The following CCDC178 variants were observed in gnomAD, a reference collection of about 807,000 sequenced individuals.
CCDC178 encodes coiled-coil domain containing 178.
Under a neutral mutation model 117.4 loss-of-function variants are expected in CCDC178, and 126 were observed. The ratio of observed to expected loss-of-function variants is 1.07; its 90% CI spans 0.93 to 1.24. CCDC178 has a LOEUF of 1.24. Among genes scored for constraint, CCDC178 ranks in the 50% most tolerant of loss-of-function variants. The pLI is 0.00. For missense variants in CCDC178, 1,030 were observed against 986.9 expected (o/e 1.04, Z -0.59); for synonymous variants, 283 against 313.4 (o/e 0.90, Z 1.02).
intron 21 of CCDC178, among the ~76,000 whole-genome samples, chr18:33,082,115 G>A (rs2057306744): frequency 6.6e-6 from 1 of 152,124 alleles, no homozygotes; most frequent in Non-Finnish European, 1.5e-5. Flanking sequence ...ATTAGTTGAG[G>A]AACCTCCCAA....
chr18:33,189,535 A>G (rs370409310), intron 20 of CCDC178, among the ~76,000 whole-genome samples: 2 of 152,336 alleles, frequency 1.3e-5, no homozygotes, highest in East Asian at 1.9e-4. Context: ...TGGTATTTAC[A>G]TTACAGGATA....
At chr18:32,940,823 T>A (rs140238620) in intron 22 of CCDC178, among the ~76,000 whole-genome samples, 3 of 152,232 alleles carry the variant, frequency 2.0e-5, no homozygotes, top group African/African-American at 7.2e-5. Context: ...AAAACATTGA[T>A]CAGAACAAAA....
At chr18:33,040,238 T>C (rs1481839186) in intron 21 of CCDC178, among the ~76,000 whole-genome samples, 1 of 151,734 alleles carries the variant, frequency 6.6e-6, no homozygotes, top group Admixed American at 6.6e-5. Flanking sequence ...AGAAATAAAA[T>C]ACCAACTTAC....
intron 15 of CCDC178, among the ~76,000 whole-genome samples, chr18:33,234,068 T>C (rs752080700): frequency 2.0e-5 from 3 of 152,144 alleles, no homozygotes; most frequent in African/African-American, 2.4e-5. Context: ...TAAAGTTTTA[T>C]TATATTCTCA....
chr18:33,116,407 T>G (rs1171960949), intron 20 of CCDC178, among the ~76,000 whole-genome samples: 1 of 152,198 alleles, frequency 6.6e-6, no homozygotes, highest in East Asian at 1.9e-4. Flanking sequence ...CTTGCATTGC[T>G]GCATAACAAA....
intron 14 of CCDC178, among the ~76,000 whole-genome samples, chr18:33,251,279 C>T (rs1248717596): frequency 6.6e-6 from 1 of 151,580 alleles, no homozygotes; most frequent in African/African-American, 2.4e-5. Flanking sequence ...TATTGTGTAC[C>T]AGTAAGCTGG....
At chr18:33,374,011 A>G (rs2063333172) in intron 5 of CCDC178, among the ~76,000 whole-genome samples, 1 of 152,200 alleles carries the variant, frequency 6.6e-6, no homozygotes, top group Non-Finnish European at 1.5e-5. Context: ...GAGAAAAGGG[A>G]AATTGATAAG....
At chr18:33,350,981 A>G (rs1270027017) in intron 7 of CCDC178, among the ~76,000 whole-genome samples, 2 of 152,140 alleles carry the variant, frequency 1.3e-5, no homozygotes, top group Non-Finnish European at 2.9e-5. Context: ...AGTCTTCACC[A>G]TCAGGTATAA....
At chr18:33,051,833 C>T (rs74566047) in intron 21 of CCDC178, among the ~76,000 whole-genome samples, 14,044 of 152,090 alleles carry the variant, frequency 0.092, 905 homozygotes, top group African/African-American at 0.18. Flanking sequence ...TGGTGAGGCA[C>T]GAGCATTTTT....
At chr18:33,278,372 T>A (rs1326868519) in intron 12 of CCDC178, among the ~76,000 whole-genome samples, 1 of 150,486 alleles carries the variant, frequency 6.6e-6, no homozygotes, top group East Asian at 1.9e-4. Flanking sequence ...ATCACTTCTC[T>A]ATTTTTGGCT....
intron 20 of CCDC178, among the ~76,000 whole-genome samples, chr18:33,150,436 A>C (rs191891386): frequency 3.2e-4 from 48 of 152,340 alleles, no homozygotes; most frequent in African/African-American, 1.2e-3. Context: ...CATAATCAAC[A>C]GAATAAACAG....
chr18:33,041,335 G>T (rs1329096542), intron 21 of CCDC178, among the ~76,000 whole-genome samples: 1 of 151,380 alleles, frequency 6.6e-6, no homozygotes, highest in African/African-American at 2.4e-5. Context: ...ATATTTATAT[G>T]CATGAGTATT....
At chr18:33,243,908 A>G (rs2059516509) in intron 15 of CCDC178, among the ~76,000 whole-genome samples, 1 of 151,960 alleles carries the variant, frequency 6.6e-6, no homozygotes, top group African/African-American at 2.4e-5. Flanking sequence ...ACAGAAATAT[A>G]TTGATATTAT....
intron 9 of CCDC178, among the ~76,000 whole-genome samples, chr18:33,343,103 G>A (rs60644450): frequency 0.073 from 11,060 of 151,936 alleles, 1,300 homozygotes; most frequent in African/African-American, 0.25. Flanking sequence ...AGAAACCAGA[G>A]CTGTGATTTT....
intron 14 of CCDC178, among the ~76,000 whole-genome samples, chr18:33,261,285 G>A (rs1028657213): frequency 1.5e-4 from 23 of 151,962 alleles, no homozygotes; most frequent in African/African-American, 3.9e-4. Context: ...GGGTTTCACC[G>A]TGTTAGCCAG....
chr18:33,220,868 C>T (rs1164083057), intron 18 of CCDC178, among the ~76,000 whole-genome samples: 1 of 152,050 alleles, frequency 6.6e-6, no homozygotes, highest in Non-Finnish European at 1.5e-5. Flanking sequence ...ATAATCACAA[C>T]TTCCACTTAT....
At chr18:33,227,648 C>T (rs556128629) in intron 15 of CCDC178, among the ~76,000 whole-genome samples, 4 of 150,344 alleles carry the variant, frequency 2.7e-5, no homozygotes, top group Admixed American at 6.7e-5. Flanking sequence ...TCTGATACCC[C>T]TACTTCAATA....
At chr18:33,342,943 A>G (rs1194043690) in intron 9 of CCDC178, among the ~76,000 whole-genome samples, 1 of 152,212 alleles carries the variant, frequency 6.6e-6, no homozygotes, top group Non-Finnish European at 1.5e-5. Context: ...GTGAGCATAT[A>G]TATGGGACAT....
At chr18:33,177,303 G>A (rs1431136556) in intron 20 of CCDC178, among the ~76,000 whole-genome samples, 1 of 151,964 alleles carries the variant, frequency 6.6e-6, no homozygotes, top group Non-Finnish European at 1.5e-5. Flanking sequence ...CATGGCACAG[G>A]TATACATATG....
Sources: allele counts gnomAD v4.1 joint callset (sites outside exome capture counted in the v4.1 genomes callset), GRCh38; gene constraint gnomAD v4.1.1; transcripts MANE v1.5; gene names NCBI Gene and HGNC (gene_info 2026-07-23, HGNC 2026-07-21).